Variants in ZNF131 observed in about 807,000 individuals in gnomAD.
The protein encoded by ZNF131 is zinc finger and BTB domain containing 35.
Under a neutral mutation model 60.0 loss-of-function variants are expected in ZNF131, and 7 were observed. The ratio of observed to expected loss-of-function variants is 0.12; its 90% CI spans 0.07 to 0.22. The LOEUF is 0.22. ZNF131 is among the 10% of genes least tolerant of loss of function. The pLI, the probability that ZNF131 is intolerant of heterozygous loss-of-function variation, is 1.00. For synonymous variants in ZNF131, 257 were observed against 253.2 expected (o/e 1.01, Z -0.14); for missense variants, 493 against 740.9 (o/e 0.67, Z 3.88).
chr5:43,121,843 C>A (rs1000269959), intron 1 of ZNF131, 196 bp from the exon 2 acceptor site: 2 of 474,334 alleles, frequency 4.2e-6, no homozygotes, highest in Non-Finnish European at 7.2e-6. Context: ...GGCTCGGAGT[C>A]CCGCGGCCGC....
At chr5:43,155,327 C>A (rs1170665175) in intron 4 of ZNF131, among the ~76,000 whole-genome samples, 2 of 152,130 alleles carry the variant, frequency 1.3e-5, no homozygotes, top group Non-Finnish European at 2.9e-5. Flanking sequence ...ACCTCAGGGC[C>A]TGTATGGGTA....
intron 3 of ZNF131, among the ~76,000 whole-genome samples, chr5:43,125,860 G>C (rs17242731): frequency 0.097 from 14,830 of 152,198 alleles, 864 homozygotes; most frequent in East Asian, 0.19. Context: ...TGGAGAAGTA[G>C]AAGTAGAGCC....
In ZNF131 at chr5:43,175,303, AT is replaced by A. The variant is rs745430766; in HGVS notation, c.*172del. ...CACATTGATTCCCCTCCCCCTACTT[AT>A]TGCCACAGAGGAGGGATCTTTTCCA... is the stretch of plus-strand genomic sequence containing the variant. On this transcript the variant is annotated 3_prime_UTR_variant, in exon 7 of 7. Transcript: ENST00000682664. The A allele has an allele frequency of 7.8e-5, 56 of 721,798 alleles. 1 individual carries two copies. Among genetic ancestry groups the A allele is most frequent in the Middle Eastern group, 3.8e-4 (1 of 2,628 alleles). The allele number at this position is 721,798 out of a possible 1,614,324, so 44.7% of individuals were successfully genotyped here.
At position 43,139,309 on chromosome 5, in the gene ZNF131, G is replaced by A; in HGVS notation, c.371G>A (p.Arg124Lys). 1 of 1,598,796 alleles carries A rather than the reference G, an allele frequency of 6.3e-7. No homozygotes were observed. The highest frequency in any genetic ancestry group is 8.5e-7 in the Non-Finnish European group (1 of 1,174,304). Residue 124 changes from arginine (R) to lysine (K), a missense_variant and splice_region_variant, in exon 4 of 7, where the codon AGG becomes AAG. Physicochemically the swap from Arg to Lys is conservative, Grantham distance 26 (BLOSUM62 2). Coordinates refer to ENST00000682664, the MANE Select transcript of ZNF131 (RefSeq NM_001330707.2). ...GAAGCTATCAAAGCCCTTGAAGTCA[G>A]GTACTTAATTTCTTTAATGGGGTTC... ...MLEAIKALEV[R>K]NKENSAPLEE...
chr5:43,160,464 C>T (rs1388638771), intron 4 of ZNF131, among the ~76,000 whole-genome samples: 1 of 152,202 alleles, frequency 6.6e-6, no homozygotes, highest in Admixed American at 6.5e-5. Flanking sequence ...CACACCACTG[C>T]ACTCCAGCCT....
intron 4 of ZNF131, among the ~76,000 whole-genome samples, chr5:43,158,324 T>C (rs1749211531): frequency 6.6e-6 from 1 of 151,360 alleles, no homozygotes; most frequent in African/African-American, 2.5e-5. Context: ...AGTTTCACTC[T>C]TGTTGCCCAG....
intron 5 of ZNF131, among the ~76,000 whole-genome samples, chr5:43,172,640 T>G (rs1751144043): frequency 6.6e-6 from 1 of 151,794 alleles, no homozygotes. Context: ...AAACCCTAAT[T>G]TATATATAAA....
At chr5:43,135,506 T>C (rs1745966175) in intron 3 of ZNF131, among the ~76,000 whole-genome samples, 1 of 151,490 alleles carries the variant, frequency 6.6e-6, no homozygotes, top group Admixed American at 6.6e-5. Flanking sequence ...CCCAGCACTT[T>C]GGGAGGCGGA....
Position 43,161,678 on chromosome 5 carries a change from C to T in ZNF131, c.801C>T (p.Asn267=). Residue 267 remains asparagine, a synonymous_variant, in exon 5 of 7, where the codon AAC becomes AAT. Coordinates refer to ENST00000682664, the MANE Select transcript of ZNF131 (RefSeq NM_001330707.2). ...VKDLFHCEKC[N]RSFKLFYHFK... ...ACTTGTTCCATTGTGAGAAATGTAA[C>T]CGTTCATTTAAATTGTTTTACCATT... 1 of 1,614,198 alleles carries T rather than the reference C, an allele frequency of 6.2e-7. No individual in the cohort carries two copies. The highest frequency in any genetic ancestry group is 8.5e-7 in the Non-Finnish European group (1 of 1,180,030).
intron 5 of ZNF131, among the ~76,000 whole-genome samples, chr5:43,167,015 T>G (rs188100829): frequency 6.6e-6 from 1 of 152,190 alleles, no homozygotes; most frequent in Admixed American, 6.5e-5. Flanking sequence ...TTAATTGATC[T>G]GATTTCAATA....
intron 4 of ZNF131, among the ~76,000 whole-genome samples, chr5:43,160,986 C>CT (rs1009973609): frequency 6.6e-6 from 1 of 151,980 alleles, no homozygotes; most frequent in Admixed American, 6.6e-5. Flanking sequence ...TGACTGGCAC[C>CT]TTTTTTTCCC....
chr5:43,142,203 C>A (rs1463104978), intron 4 of ZNF131, among the ~76,000 whole-genome samples: 1 of 151,018 alleles, frequency 6.6e-6, no homozygotes, highest in Non-Finnish European at 1.5e-5. Flanking sequence ...ATTAGCCAGG[C>A]GTTGTGGCGG....
Position 43,161,783 on chromosome 5 carries a change from A to G in ZNF131, c.906A>G (p.Ala302=), listed in dbSNP as rs374764903. 2.5e-6 allele frequency: 4 copies of G among 1,614,258 alleles called. No individual in the cohort carries two copies. Among genetic ancestry groups the G allele is most frequent in the East Asian group, 4.5e-5 (2 of 44,890 alleles). The part of the protein sequence containing the change: ...ICNKRYLRES[A]WKQHLNCYHL... ...ATAAACGATATCTTCGAGAGAGCGC[A>G]TGGAAACAGCACCTAAATTGTTACC... The change falls in exon 5 of 7, where the codon GCA becomes GCG. Residue 302 remains alanine (A), a synonymous_variant. Coordinates refer to ENST00000682664, the MANE Select transcript of ZNF131 (RefSeq NM_001330707.2).
chr5:43,156,995 C>T (rs1438164780), intron 4 of ZNF131, among the ~76,000 whole-genome samples: 2 of 152,126 alleles, frequency 1.3e-5, no homozygotes, highest in African/African-American at 4.8e-5. Context: ...CACAAGAATT[C>T]GTATTACTTT....
At chr5:43,146,403 G>A (rs1010153256) in intron 4 of ZNF131, among the ~76,000 whole-genome samples, 16 of 152,230 alleles carry the variant, frequency 1.1e-4, no homozygotes, top group Admixed American at 8.5e-4. Context: ...TGGCTAACAT[G>A]GTGAAACCCT....
chr5:43,174,770 C>A lies in ZNF131; in HGVS notation c.1509C>A (p.Leu503=), dbSNP rs1490178943. Reference sequence around the variant, plus strand: ...TGGAACAAGTCCATCCAGATCTGCTCCAGGACAGCCAGGTGCACGATTCAC... The same window carrying A: ...TGGAACAAGTCCATCCAGATCTGCTACAGGACAGCCAGGTGCACGATTCAC... ...VTVEQVHPDL[L]QDSQVHDSHM... Residue 503 remains leucine (L), a synonymous_variant, in exon 7 of 7, where the codon CTC becomes CTA. Coordinates refer to ENST00000682664, the MANE Select transcript of ZNF131 (RefSeq NM_001330707.2). 1 of 1,614,126 alleles carries A rather than the reference C, an allele frequency of 6.2e-7. No individual in the cohort carries two copies. The highest frequency in any genetic ancestry group is 1.3e-5 in the African/African-American group (1 of 75,036).
At chr5:43,132,660 G>A (rs780484078) in intron 3 of ZNF131, among the ~76,000 whole-genome samples, 6 of 151,886 alleles carry the variant, frequency 4.0e-5, no homozygotes, top group South Asian at 2.1e-4. Flanking sequence ...ACAGGCGCGC[G>A]TAACCACACC....
intron 5 of ZNF131, among the ~76,000 whole-genome samples, chr5:43,168,688 A>G (rs1414766716): frequency 1.3e-5 from 2 of 152,220 alleles, no homozygotes; most frequent in African/African-American, 2.4e-5. Context: ...TTCTAGAGAG[A>G]TGACTGGCAA....
chr5:43,161,996 A>T, intron 5 of ZNF131, 65 bp downstream of exon 5: 1 of 1,438,290 alleles, frequency 7.0e-7, no homozygotes, highest in Non-Finnish European at 9.3e-7. Flanking sequence ...AAGTATCTAA[A>T]TCCTTTTTAA....
Sources: gnomAD v4.1 joint callset for allele counts (sites outside exome capture counted in the v4.1 genomes callset) on GRCh38, gnomAD v4.1.1 for gene constraint, MANE v1.5 for transcripts, NCBI Gene and HGNC (gene_info 2026-07-23, HGNC 2026-07-21) for gene names.